The following MYO9A variants were observed in gnomAD, a reference collection of about 807,000 sequenced individuals.
MYO9A encodes the protein unconventional myosin-IXa.
MYO9A carries 103 observed loss-of-function variants against 293.3 expected under a neutral mutation model. The observed-to-expected ratio is 0.35, with a 90% confidence interval of 0.30 to 0.41. MYO9A has a LOEUF of 0.41. Among genes scored for constraint, MYO9A ranks in the 10% least tolerant of loss-of-function variants. The pLI, the probability that MYO9A is intolerant of heterozygous loss-of-function variation, is 1.00. For synonymous variants in MYO9A, 1,001 were observed against 1,035.7 expected, an observed-to-expected ratio of 0.97 and a Z score of 0.64; for missense variants, 2,685 against 3,033.0, an observed-to-expected ratio of 0.89 and a Z score of 2.69.
chr15:72,057,512 A>G (rs2078755330), intron 1 of MYO9A, among the ~76,000 whole-genome samples: 1 of 152,194 alleles, frequency 6.6e-6, no homozygotes, highest in Non-Finnish European at 1.5e-5. Flanking sequence ...GTTTGAATGA[A>G]CTGACCTCAT....
intron 1 of MYO9A, among the ~76,000 whole-genome samples, chr15:72,073,642 T>C (rs2079259912): frequency 6.6e-6 from 1 of 151,990 alleles, no homozygotes; most frequent in Non-Finnish European, 1.5e-5. Flanking sequence ...CCCTGGGGAG[T>C]TATAAAAACA....
intron 38 of MYO9A, 42 bp from the exon 39 acceptor site, chr15:71,849,010 G>A: frequency 6.5e-7 from 1 of 1,529,466 alleles, no homozygotes; most frequent in Non-Finnish European, 8.8e-7. Flanking sequence ...AAGAGGTGAA[G>A]TAAATAAAGT....
chr15:71,900,089 A>C, intron 23 of MYO9A, 83 bp from the exon 24 acceptor site: 5 of 1,333,510 alleles, frequency 3.7e-6, no homozygotes, highest in Non-Finnish European at 5.0e-6. Context: ...TAAATTTCTT[A>C]TGTCATAATT....
At chr15:72,098,762 A>C (rs1442112934) in intron 1 of MYO9A, among the ~76,000 whole-genome samples, 1 of 152,144 alleles carries the variant, frequency 6.6e-6, no homozygotes, top group African/African-American at 2.4e-5. Context: ...ACTTGAGCCC[A>C]GGAGTTCGAG....
intron 5 of MYO9A, 90 bp from the exon 6 acceptor site, chr15:72,019,185 G>C: frequency 9.6e-7 from 1 of 1,046,248 alleles, no homozygotes; most frequent in Non-Finnish European, 1.5e-6. Flanking sequence ...TAGTACTGCT[G>C]CTCTCCATTG....
At chr15:71,875,937 C>T in intron 31 of MYO9A, 99 bp from the exon 32 acceptor site, 1 of 579,412 alleles carries the variant, frequency 1.7e-6, no homozygotes, top group Non-Finnish European at 2.6e-6. Context: ...CAACAGGTAA[C>T]ACAATAGTCA....
intron 1 of MYO9A, among the ~76,000 whole-genome samples, chr15:72,065,915 T>C (rs770249711): frequency 3.1e-4 from 47 of 152,216 alleles, no homozygotes; most frequent in Admixed American, 8.5e-4. Context: ...TGAAGACTTA[T>C]ACTTCCGCAA....
intron 1 of MYO9A, among the ~76,000 whole-genome samples, chr15:72,086,571 G>C (rs1247331663): frequency 6.6e-6 from 1 of 151,906 alleles, no homozygotes; most frequent in Non-Finnish European, 1.5e-5. Context: ...ATGTGCACGT[G>C]CACACGTGCT....
chr15:71,973,935 T>C (rs1010111301), intron 12 of MYO9A, among the ~76,000 whole-genome samples: 1 of 152,172 alleles, frequency 6.6e-6, no homozygotes, highest in Non-Finnish European at 1.5e-5. Flanking sequence ...CCAATGGCTA[T>C]GTGGCAGTTT....
In MYO9A at chr15:71,978,154, A is replaced by G. The variant is rs1229471825; in HGVS notation, c.1844+17T>C. ...GCCAAAACAGCCAATAACAAAATTGAAAAGAATCACACTCACTTGCTTTCT... is the reference window on the plus strand; with the variant it reads ...GCCAAAACAGCCAATAACAAAATTGGAAAGAATCACACTCACTTGCTTTCT... On this transcript the variant is annotated intron_variant, in intron 12 of 41. Transcript: ENST00000356056. The G allele has an allele frequency of 6.2e-7, 1 of 1,608,522 alleles. No homozygotes were observed. The highest frequency in any genetic ancestry group is 2.2e-5 in the East Asian group (1 of 44,686).
In MYO9A at chr15:71,920,186, G is replaced by T. The variant is rs555865862; in HGVS notation, c.2563-3694C>A. 1.2e-4 allele frequency among the ~76,000 whole-genome samples: 18 copies of T among 152,150 alleles called. 2 individuals are homozygous for T. In the South Asian group the frequency reaches 3.7e-3, roughly 32 times the overall value. On this transcript the variant is annotated intron_variant, in intron 18 of 41. Coordinates refer to ENST00000356056, the MANE Select transcript of MYO9A (RefSeq NM_006901.4). ...TTCCTTTCTTAATTCCATCATTATG[G>T]TTGAGTTTATTAAGCTTAATTAACC...
rs1226535220 is a variant in MYO9A at position 72,045,946 on chromosome 15, G to A, written c.618C>T (p.His206=). ...TGTGGGGCTCAAGTTTTCCCAGTTGGTGGTTATCATACATTTTGACATATT... is the reference window on the plus strand; with the variant it reads ...TGTGGGGCTCAAGTTTTCCCAGTTGATGGTTATCATACATTTTGACATATT... ...NPKYVKMYDN[H]QLGKLEPHIY... is the part of the protein sequence containing the mutation. Residue 206 remains histidine (H), a synonymous_variant, in exon 2 of 42, where the codon CAC becomes CAT. Transcript: ENST00000356056. 2 of 1,614,030 alleles carry A rather than the reference G, an allele frequency of 1.2e-6. No homozygotes were observed. The highest frequency in any genetic ancestry group is 4.5e-5 in the East Asian group (2 of 44,880).
chr15:71,920,162 T>G (rs1005665746), intron 18 of MYO9A, among the ~76,000 whole-genome samples: 1 of 152,208 alleles, frequency 6.6e-6, no homozygotes, highest in African/African-American at 2.4e-5. Flanking sequence ...TCTACTTCAT[T>G]CCTTTCTTAA....
intron 13 of MYO9A, among the ~76,000 whole-genome samples, chr15:71,966,887 C>G (rs1189061728): frequency 1.3e-5 from 2 of 152,194 alleles, no homozygotes; most frequent in Non-Finnish European, 2.9e-5. Context: ...CCAAACTCAA[C>G]TTGGCTTACA....
chr15:71,869,677 G>A (rs1443333044), intron 32 of MYO9A, among the ~76,000 whole-genome samples: 2 of 152,066 alleles, frequency 1.3e-5, no homozygotes, highest in Admixed American at 1.3e-4. Flanking sequence ...GGAGAGGAGG[G>A]AATGGAAGGA....
At chr15:71,926,535 C>A (rs2058317699) in intron 18 of MYO9A, among the ~76,000 whole-genome samples, 1 of 152,124 alleles carries the variant, frequency 6.6e-6, no homozygotes, top group Admixed American at 6.5e-5. Flanking sequence ...AGAGTGAGAT[C>A]CTGTCTACCA....
chr15:71,917,036 G>T (rs757733671), intron 18 of MYO9A, among the ~76,000 whole-genome samples: 2 of 152,198 alleles, frequency 1.3e-5, no homozygotes, highest in African/African-American at 2.4e-5. Flanking sequence ...TGCACTGACA[G>T]CTTCCTGATT....
intron 1 of MYO9A, among the ~76,000 whole-genome samples, chr15:72,112,168 TCAAAA>T (rs1419886033): frequency 6.6e-6 from 1 of 151,618 alleles, no homozygotes; most frequent in East Asian, 1.9e-4. Flanking sequence ...TTAAGAAAAA[TCAAAA>T]CTGAGAAAAA....
At chr15:72,043,377 G>C (rs1041690740) in intron 2 of MYO9A, among the ~76,000 whole-genome samples, 1 of 151,532 alleles carries the variant, frequency 6.6e-6, no homozygotes, top group Non-Finnish European at 1.5e-5. Context: ...TTACTGAAGA[G>C]AAAAAAATGC....
Sources: gnomAD v4.1 joint callset for allele counts (sites outside exome capture counted in the v4.1 genomes callset) on GRCh38, gnomAD v4.1.1 for gene constraint, MANE v1.5 for transcripts, NCBI Gene and HGNC (gene_info 2026-07-23, HGNC 2026-07-21) for gene names.